CATSPERG: variants seen among roughly 807,000 people sequenced by gnomAD.
CATSPERG encodes cation channel sperm-associated auxiliary subunit gamma.
In CATSPERG, 115 loss-of-function variants were observed where a neutral mutation model predicts 145.0. That is an observed-to-expected ratio of 0.79 (90% CI 0.68 to 0.93). The LOEUF (loss-of-function observed/expected upper bound fraction) is 0.93, where lower values mean the gene tolerates loss of function less well. Ranked by LOEUF, CATSPERG falls within the 40% of genes least tolerant of loss-of-function variation. CATSPERG has a pLI of 0.00. For missense variants in CATSPERG, 1,296 were observed against 1,490.1 expected (o/e 0.87, Z 2.14); for synonymous variants, 588 against 589.0 (o/e 1.00, Z 0.02).
Position 38,365,065 on chromosome 19 carries a change from T to C in CATSPERG, c.2561T>C (p.Val854Ala). The C allele has an allele frequency of 6.2e-7, 1 of 1,613,928 alleles. No individual in the cohort carries two copies. The highest frequency in any genetic ancestry group is 1.1e-5 in the South Asian group (1 of 91,074). Residue 854 changes from valine to alanine, a missense_variant, in exon 22 of 29, where the codon GTG becomes GCG. Transcript: ENST00000409235. ...LMETSMTVNV[V>A]GSSGLCFQET... ...TTCACCTGCTCCTACCCACAGGTGG[T>C]GGGTTCATCCGGGCTCTGCTTCCAG...
chr19:38,338,809 C>T (rs183261578), intron 3 of CATSPERG, among the ~76,000 whole-genome samples: 1 of 152,164 alleles, frequency 6.6e-6, no homozygotes, highest in Non-Finnish European at 1.5e-5. Flanking sequence ...GTTGAGGCTG[C>T]AGGGAACTGT....
chr19:38,370,568 G>A lies in CATSPERG; in HGVS notation c.3256G>A (p.Ala1086Thr), dbSNP rs148618826. 144 of 1,613,972 alleles carry A rather than the reference G, an allele frequency of 8.9e-5. No homozygotes were observed. The highest frequency in any genetic ancestry group is 2.0e-4 in the Admixed American group (12 of 59,980). The change falls in exon 29 of 29, where the codon GCC becomes ACC. Residue 1086 changes from alanine to threonine, a missense_variant. Ala to Thr is a moderately conservative substitution (Grantham distance 58, BLOSUM62 0). Transcript: ENST00000409235. ...TGTGGGCCTGGTGATCTTCTACATC[G>A]CCTTCTGCCTCCTGTGGCCCCTCGT... is the stretch of plus-strand genomic sequence containing the variant. ...VFVGLVIFYI[A>T]FCLLWPLVVK...
rs1180404341 is a variant in CATSPERG, at chr19:38,351,755, T to A, written c.826-506T>A. 2.0e-5 allele frequency among the ~76,000 whole-genome samples: 3 copies of A among 149,720 alleles called. No homozygotes were observed. The East Asian group carries it at 5.9e-4, about 30-fold the overall frequency. Reference sequence around the variant, plus strand: ...GACCTCACCTCTACAAAAATAAAAATTAAAAAATTAGCTAGGCATGGTGGT... The same window carrying A: ...GACCTCACCTCTACAAAAATAAAAAATAAAAAATTAGCTAGGCATGGTGGT... On this transcript the variant is annotated intron_variant, in intron 7 of 28. Coordinates refer to ENST00000409235, the MANE Select transcript of CATSPERG (RefSeq NM_021185.5).
rs148778627 is a variant in CATSPERG, at chr19:38,365,076, G to C, written c.2572G>C (p.Gly858Arg). The C allele has an allele frequency of 6.2e-7, 1 of 1,613,870 alleles. No individual in the cohort carries two copies. The highest frequency in any genetic ancestry group is 1.7e-5 in the Admixed American group (1 of 60,004). Reference sequence around the variant, plus strand: ...CTACCCACAGGTGGTGGGTTCATCCGGGCTCTGCTTCCAGGAAACACACCT... The same window carrying C: ...CTACCCACAGGTGGTGGGTTCATCCCGGCTCTGCTTCCAGGAAACACACCT... ...SMTVNVVGSSGLCFQETHLGP... is the reference protein window; with the variant it reads ...SMTVNVVGSSRLCFQETHLGP... Residue 858 changes from glycine to arginine, a missense_variant, in exon 22 of 29, where the codon GGG becomes CGG. Transcript: ENST00000409235.
intron 1 of CATSPERG, 184 bp from the exon 2 acceptor site, chr19:38,337,037 G>GGGGGCAGGGCCAGGAGCA (rs1969851390): frequency 2.9e-6 from 2 of 694,650 alleles, no homozygotes; most frequent in Admixed American, 5.8e-5. Flanking sequence ...AAGTCCGTGC[G>GGGGGCAGGGCCAGGAGCA]GGGGCAGGGC....
rs540620779 is a variant in CATSPERG at position 38,359,641 on chromosome 19, C to T, written c.1608+60C>T. The T allele has an allele frequency of 1.5e-4, 237 of 1,545,946 alleles. No homozygotes were observed. In the African/African-American group the frequency reaches 3.0e-3, roughly 20 times the overall value. On this transcript the variant is annotated intron_variant, in intron 14 of 28. Transcript: ENST00000409235. ...TGCCCACCCCCAAACCCCAGGGGCC[C>T]CTCTTTCCCCCGTCACAGTAAAGGA...
intron 3 of CATSPERG, among the ~76,000 whole-genome samples, chr19:38,341,856 G>A (rs144862353): frequency 6.6e-6 from 1 of 152,086 alleles, no homozygotes; most frequent in Non-Finnish European, 1.5e-5. Flanking sequence ...GAGCTGAGAT[G>A]GCGCCCTTAT....
In CATSPERG at chr19:38,361,752, C is replaced by G; in HGVS notation, c.1985C>G (p.Ala662Gly). The G allele has an allele frequency of 1.2e-6, 2 of 1,610,956 alleles. No homozygotes were observed. Among genetic ancestry groups the G allele is most frequent in the Non-Finnish European group, 1.7e-6 (2 of 1,178,964 alleles). Residue 662 changes from alanine (A) to glycine (G), a missense_variant, in exon 17 of 29, where the codon GCG (alanine) becomes GGG (glycine). Ala to Gly is a moderately conservative substitution (Grantham distance 60, BLOSUM62 0). Coordinates refer to ENST00000409235, the MANE Select transcript of CATSPERG (RefSeq NM_021185.5). ...QRYTRQERYR[A>G]RPPRVLERSG... is the part of the protein sequence containing the mutation. ...TACACGCGCCAGGAGCGCTACCGGG[C>G]GCGGCCGCCGCGCGTCCTGGAGCGC...
chr19:38,336,165 G>A, intron 1 of CATSPERG: 1 of 456,304 alleles, frequency 2.2e-6, no homozygotes, highest in Non-Finnish European at 4.4e-6. Context: ...AGTAAGAAGT[G>A]GGGCAAGAAG....
At chr19:38,349,625 A>AAT (rs1491101086) in intron 7 of CATSPERG, 1 of 152,960 alleles carries the variant, frequency 6.5e-6, no homozygotes, top group Non-Finnish European at 1.5e-5. Context: ...TTACTTAAAC[A>AAT]GAGACTGTTG....
intron 3 of CATSPERG, among the ~76,000 whole-genome samples, chr19:38,341,032 G>A (rs568577382): frequency 2.2e-4 from 34 of 152,272 alleles, no homozygotes; most frequent in Non-Finnish European, 4.4e-4. Context: ...GAGCCAGCAC[G>A]ATGGCCCAGA....
intron 7 of CATSPERG, among the ~76,000 whole-genome samples, chr19:38,348,566 C>T (rs148502674): frequency 0.018 from 2,688 of 150,730 alleles, 72 homozygotes; most frequent in African/African-American, 0.054. Context: ...CTCCACCCCC[C>T]GGGTTCAAGT....
At chr19:38,339,350 G>A (rs984271784) in intron 3 of CATSPERG, among the ~76,000 whole-genome samples, 1 of 152,188 alleles carries the variant, frequency 6.6e-6, no homozygotes, top group Non-Finnish European at 1.5e-5. Context: ...CTTAGATTAT[G>A]GTGCATGATG....
intron 6 of CATSPERG, among the ~76,000 whole-genome samples, chr19:38,344,856 G>C (rs1227101629): frequency 1.1e-5 from 1 of 92,340 alleles, no homozygotes; most frequent in African/African-American, 4.1e-5. Flanking sequence ...TACATGAACA[G>C]ACACACACAC....
rs139794883 is a variant in CATSPERG, at chr19:38,367,314, T to C, written c.2770+2T>C. 2.5e-6 allele frequency: 4 copies of C among 1,610,088 alleles called. No homozygotes were observed. Among genetic ancestry groups the C allele is most frequent in the Admixed American group, 1.7e-5 (1 of 59,924 alleles). On this transcript the variant is annotated splice_donor_variant, in intron 23 of 28. Coordinates refer to ENST00000409235, the MANE Select transcript of CATSPERG (RefSeq NM_021185.5). LOFTEE classifies it high-confidence loss of function. ...TGCCCTGCTTTCTCTTCCGGGACAGTGTGTGTCCAGTCCCTTCCCCTGCAC... is the reference window on the plus strand; with the variant it reads ...TGCCCTGCTTTCTCTTCCGGGACAGCGTGTGTCCAGTCCCTTCCCCTGCAC...
chr19:38,351,513 CAGG>C (rs1970139567), intron 7 of CATSPERG, among the ~76,000 whole-genome samples: 1 of 151,536 alleles, frequency 6.6e-6, no homozygotes. Flanking sequence ...GAAGCTGAGG[CAGG>C]AGAATGGCGT....
In CATSPERG at chr19:38,362,786, C is replaced by T. The variant is rs369747572; in HGVS notation, c.2429C>T (p.Ser810Leu). 5.6e-6 allele frequency: 9 copies of T among 1,612,434 alleles called. No individual in the cohort carries two copies. The highest frequency in any genetic ancestry group is 1.7e-4 in the Middle Eastern group (1 of 6,060). ...VLADPGCIEASVKQEVLINRN... is the reference protein window; with the variant it reads ...VLADPGCIEALVKQEVLINRN... ...GCCGACCCCGGCTGCATCGAGGCCT[C>T]GGTGAAGCAGGAGGTCCTGATTAAT... The change falls in exon 20 of 29, where the codon TCG becomes TTG. Residue 810 changes from serine (S) to leucine (L), a missense_variant. Coordinates refer to ENST00000409235, the MANE Select transcript of CATSPERG (RefSeq NM_021185.5).
intron 3 of CATSPERG, among the ~76,000 whole-genome samples, chr19:38,340,319 C>CTT (rs201971745): frequency 4.4e-4 from 65 of 146,834 alleles, no homozygotes; most frequent in African/African-American, 7.5e-4. Context: ...ATCACAGAGT[C>CTT]TTTTTTTTTT....
Position 38,354,806 on chromosome 19 carries a change from C to A in CATSPERG, c.1094C>A (p.Thr365Lys). 1 of 1,614,132 alleles carries A rather than the reference C, an allele frequency of 6.2e-7. No individual in the cohort carries two copies. Among genetic ancestry groups the A allele is most frequent in the Non-Finnish European group, 8.5e-7 (1 of 1,180,006 alleles). The stretch of plus-strand genomic sequence containing the variant: ...TCTGAGTACATAATGGCCCTCACCA[C>A]GGGCAAGCATGAGGGTTATGTACAC... ...NGSEYIMALT[T>K]GKHEGYVHFG... is the part of the protein sequence containing the mutation. Residue 365 changes from threonine to lysine, a missense_variant, in exon 9 of 29, where the codon ACG becomes AAG. By Grantham distance (78) the Thr-to-Lys change is moderately conservative (BLOSUM62 -1). Coordinates refer to ENST00000409235, the MANE Select transcript of CATSPERG (RefSeq NM_021185.5).
Sources: gnomAD v4.1 joint callset for allele counts (sites outside exome capture counted in the v4.1 genomes callset) on GRCh38, gnomAD v4.1.1 for gene constraint, MANE v1.5 for transcripts, NCBI Gene and HGNC (gene_info 2026-07-23, HGNC 2026-07-21) for gene names.